Variants in PALM2AKAP2 observed in about 807,000 individuals in gnomAD.
PALM2AKAP2 encodes PALM2 and AKAP2 fusion, also known as PALM2-AKAP2 fusion protein.
PALM2AKAP2 carries 37 observed loss-of-function variants against 71.5 expected under a neutral mutation model. The ratio of observed to expected loss-of-function variants is 0.52; its 90% CI spans 0.40 to 0.68. PALM2AKAP2 has a LOEUF of 0.68. PALM2AKAP2 is among the 30% of genes least tolerant of loss of function. PALM2AKAP2 has a pLI of 0.00. For synonymous variants in PALM2AKAP2, 468 were observed against 478.8 expected, an observed-to-expected ratio of 0.98 and a Z score of 0.29; for missense variants, 1,224 against 1,191.8, an observed-to-expected ratio of 1.03 and a Z score of -0.40.
At chr9:109,939,255 T>C (rs1256350732) in intron 6 of PALM2AKAP2, among the ~76,000 whole-genome samples, 1 of 152,182 alleles carries the variant, frequency 6.6e-6, no homozygotes, top group Non-Finnish European at 1.5e-5. Context: ...ACTTAACCTT[T>C]CCAGCAAAGA....
chr9:109,905,330 C>A (rs1268565978), intron 3 of PALM2AKAP2, among the ~76,000 whole-genome samples: 1 of 152,178 alleles, frequency 6.6e-6, no homozygotes, highest in African/African-American at 2.4e-5. Flanking sequence ...TGTCCAGCCT[C>A]CCAGGGGGCA....
At chr9:109,711,064 A>G (rs755489664) in intron 1 of PALM2AKAP2, among the ~76,000 whole-genome samples, 2 of 152,188 alleles carry the variant, frequency 1.3e-5, no homozygotes, top group South Asian at 2.1e-4. Context: ...GTTGATCTCC[A>G]TAGGAATTCA....
intron 7 of PALM2AKAP2, among the ~76,000 whole-genome samples, chr9:110,023,305 C>CTTTTCTT (rs1371633641): frequency 5.4e-5 from 4 of 74,038 alleles, no homozygotes; most frequent in African/African-American, 2.5e-4. Context: ...ATTGTGGTTT[C>CTTTTCTT]TTTTTTTTTT....
At chr9:110,015,969 A>C (rs1414382062) in exon 7 of PALM2AKAP2, 1 of 1,613,868 alleles carries the variant, frequency 6.2e-7, no homozygotes, top group African/African-American at 1.3e-5. Context: ...GGGTGGGAGA[A>C]TGTGCTGCTA....
At chr9:110,055,714 T>C (rs1389474105) in intron 1 of PALM2AKAP2, among the ~76,000 whole-genome samples, 1 of 152,200 alleles carries the variant, frequency 6.6e-6, no homozygotes, top group Non-Finnish European at 1.5e-5. Context: ...ACAGTGATGC[T>C]AGGGCAGTTT....
intron 6 of PALM2AKAP2, 65 bp from the exon 7 acceptor site, chr9:110,015,889 A>G: frequency 7.1e-7 from 1 of 1,417,864 alleles, no homozygotes; most frequent in East Asian, 2.3e-5. Flanking sequence ...TCTGAGCAAT[A>G]ACAACTGTGT....
At chr9:109,866,996 G>A (rs188749979) in intron 1 of PALM2AKAP2, 82 of 456,200 alleles carry the variant, frequency 1.8e-4, no homozygotes, top group African/African-American at 1.6e-3. Context: ...TACAAAATTT[G>A]AAACAACGTC....
chr9:109,880,507 C>T lies in PALM2AKAP2; in HGVS notation c.127-44C>T, dbSNP rs780778554. On this transcript the variant is annotated intron_variant, in intron 2 of 9. Coordinates refer to the PALM2AKAP2 transcript ENST00000302798. ...CTGCAGAGGGAGAGGACAGTGTGGA[C>T]TGAAAAGTATCATCTTGTCTGTTGT... The T allele has an allele frequency of 1.9e-6, 3 of 1,608,100 alleles. No individual in the cohort carries two copies. In the South Asian group the frequency reaches 3.3e-5, roughly 18 times the overall value.
chr9:109,929,244 A>G (rs1438987444), intron 5 of PALM2AKAP2, among the ~76,000 whole-genome samples: 2 of 150,620 alleles, frequency 1.3e-5, no homozygotes, highest in Admixed American at 1.3e-4. Context: ...AGTCCATGAG[A>G]TCTCACATGG....
chr9:109,878,355 T>A (rs1755319410), intron 2 of PALM2AKAP2, among the ~76,000 whole-genome samples: 1 of 152,166 alleles, frequency 6.6e-6, no homozygotes, highest in African/African-American at 2.4e-5. Flanking sequence ...TGGGGGTGGA[T>A]CCTGTCTATA....
intron 7 of PALM2AKAP2, among the ~76,000 whole-genome samples, chr9:110,022,706 CT>C (rs529168711): frequency 8.3e-4 from 126 of 152,056 alleles, no homozygotes; most frequent in Non-Finnish European, 1.6e-3. Flanking sequence ...TTAGGTGTAT[CT>C]CCTAATGCTA....
intron 1 of PALM2AKAP2, among the ~76,000 whole-genome samples, chr9:109,720,911 A>G (rs1253298465): frequency 6.6e-6 from 1 of 152,206 alleles, no homozygotes. Flanking sequence ...CAAACAGGTT[A>G]CGTCCCTTCC....
At chr9:109,991,065 C>T (rs781302588) in intron 6 of PALM2AKAP2, among the ~76,000 whole-genome samples, 8 of 152,076 alleles carry the variant, frequency 5.3e-5, no homozygotes, top group Non-Finnish European at 1.0e-4. Context: ...GTTCTTGAAG[C>T]AGCTCACCCA....
intron 1 of PALM2AKAP2, among the ~76,000 whole-genome samples, chr9:110,089,170 G>T (rs984931584): frequency 6.6e-6 from 1 of 152,154 alleles, no homozygotes; most frequent in Non-Finnish European, 1.5e-5. Context: ...CTGGGGAGGC[G>T]GATGGGAGAA....
intron 3 of PALM2AKAP2, among the ~76,000 whole-genome samples, chr9:109,886,267 C>T (rs1293069568): frequency 6.6e-6 from 1 of 152,050 alleles, no homozygotes; most frequent in Non-Finnish European, 1.5e-5. Context: ...CCCTGGAGGC[C>T]ACATGTGGAC....
At chr9:110,138,214 A>G in exon 2 of PALM2AKAP2, 2 of 1,614,086 alleles carry the variant, frequency 1.2e-6, no homozygotes, top group Admixed American at 1.7e-5. Context: ...CCCCCCAGCC[A>G]CTGCCAGCTG....
intron 1 of PALM2AKAP2, among the ~76,000 whole-genome samples, chr9:110,129,132 G>A (rs1038210234): frequency 6.6e-6 from 1 of 152,186 alleles, no homozygotes; most frequent in Non-Finnish European, 1.5e-5. Context: ...TCCCCAGACC[G>A]TGCAAGAAGT....
At chr9:109,645,065 G>C (rs901630731) in intron 1 of PALM2AKAP2, among the ~76,000 whole-genome samples, 1 of 152,110 alleles carries the variant, frequency 6.6e-6, no homozygotes, top group Non-Finnish European at 1.5e-5. Context: ...CAACTCTACT[G>C]GTACCAATGT....
At chr9:110,151,756 C>T (rs537584468) in intron 2 of PALM2AKAP2, among the ~76,000 whole-genome samples, 63 of 150,884 alleles carry the variant, frequency 4.2e-4, no homozygotes, top group African/African-American at 1.4e-3. Context: ...ATCCTCCACT[C>T]GGAATTTCAG....
Sources: gnomAD v4.1 joint callset for allele counts (sites outside exome capture counted in the v4.1 genomes callset) on GRCh38, gnomAD v4.1.1 for gene constraint, MANE v1.5 for transcripts, NCBI Gene and HGNC (gene_info 2026-07-23, HGNC 2026-07-21) for gene names.